The following CHD6 variants were observed in gnomAD, a reference collection of about 807,000 sequenced individuals.
CHD6 encodes the protein chromodomain helicase DNA binding protein 6.
A neutral mutation model predicts 276.9 loss-of-function variants in CHD6; 50 were observed. The ratio of observed to expected loss-of-function variants is 0.18; its 90% confidence interval spans 0.14 to 0.23. CHD6 has a LOEUF of 0.23. CHD6 is among the 10% of genes least tolerant of loss of function. CHD6 has a pLI of 1.00. For synonymous variants in CHD6, 1,173 were observed against 1,229.3 expected, an observed-to-expected ratio of 0.95 and a Z score of 0.96; for missense variants, 2,564 against 3,365.8, an observed-to-expected ratio of 0.76 and a Z score of 5.89.
intron 2 of CHD6, among the ~76,000 whole-genome samples, chr20:41,543,804 C>T (rs984796211): frequency 6.6e-6 from 1 of 152,160 alleles, no homozygotes; most frequent in Admixed American, 6.5e-5. Context: ...TTCTCAGTAT[C>T]TAAATATTAC....
At chr20:41,512,557 A>G (rs2044145574) in intron 5 of CHD6, among the ~76,000 whole-genome samples, 1 of 151,976 alleles carries the variant, frequency 6.6e-6, no homozygotes, top group African/African-American at 2.4e-5. Flanking sequence ...TCAAGGCATT[A>G]AAAGACAGCC....
At chr20:41,418,225 A>C (rs1179883457) in intron 31 of CHD6, among the ~76,000 whole-genome samples, 1 of 152,236 alleles carries the variant, frequency 6.6e-6, no homozygotes, top group Non-Finnish European at 1.5e-5. Context: ...ATGAGGGAAG[A>C]CAGCCAGGAA....
intron 30 of CHD6, 131 bp from the exon 31 acceptor site, chr20:41,422,210 A>G: frequency 2.4e-6 from 2 of 842,410 alleles, no homozygotes; most frequent in Non-Finnish European, 3.6e-6. Context: ...CAGGTGTGTG[A>G]GCCCTTGCCA....
Position 41,533,047 on chromosome 20 carries a change from T to C in CHD6, c.554+3A>G. The C allele has an allele frequency of 3.8e-6, 6 of 1,584,514 alleles. No individual in the cohort carries two copies. The highest frequency in any genetic ancestry group is 3.4e-6 in the Non-Finnish European group (4 of 1,170,146). ...TGCTCAGAGAAGGGAGAAAGGAACG[T>C]ACCTGGCCTTCCTGGACTTCGTCCT... On this transcript the variant is annotated splice_donor_region_variant and intron_variant, in intron 3 of 36. Transcript: ENST00000373233.
chr20:41,410,086 G>A (rs529964458), intron 36 of CHD6, among the ~76,000 whole-genome samples: 2 of 152,304 alleles, frequency 1.3e-5, no homozygotes, highest in South Asian at 2.1e-4. Context: ...ATGTGAGCTC[G>A]AAGGAAGGGA....
At chr20:41,513,819 C>T (rs1440996836) in intron 4 of CHD6, among the ~76,000 whole-genome samples, 3 of 152,160 alleles carry the variant, frequency 2.0e-5, no homozygotes, top group Non-Finnish European at 4.4e-5. Context: ...CTAAAAGATA[C>T]CTCCTGAGTG....
intron 17 of CHD6, among the ~76,000 whole-genome samples, chr20:41,463,995 C>T (rs901893241): frequency 6.6e-6 from 1 of 151,970 alleles, no homozygotes; most frequent in Non-Finnish European, 1.5e-5. Flanking sequence ...TATGCATGTA[C>T]TCAGAGAAAG....
chr20:41,492,541 A>G (rs2043580347), intron 10 of CHD6, among the ~76,000 whole-genome samples: 1 of 152,240 alleles, frequency 6.6e-6, no homozygotes, highest in African/African-American at 2.4e-5. Flanking sequence ...TAAAAATGGC[A>G]ATGTTTTTTT....
At chr20:41,466,174 C>T (rs989030919) in intron 17 of CHD6, among the ~76,000 whole-genome samples, 5 of 152,120 alleles carry the variant, frequency 3.3e-5, no homozygotes, top group African/African-American at 9.7e-5. Flanking sequence ...TGCACTCCAG[C>T]CTGGGTAACA....
rs371002851 is a variant in CHD6 at position 41,497,379 on chromosome 20, T to C, written c.1092+5A>G. On this transcript the variant is annotated splice_donor_5th_base_variant and intron_variant, in intron 8 of 36. Coordinates refer to ENST00000373233, the MANE Select transcript of CHD6 (RefSeq NM_032221.5). Reference sequence around the variant, plus strand: ...AGTCAAATGAGTCAGTAAATATTGCTTCACCTCCGTAAAAATGTGCTTCAT... The same window carrying C: ...AGTCAAATGAGTCAGTAAATATTGCCTCACCTCCGTAAAAATGTGCTTCAT... 16 of 1,579,334 alleles carry C rather than the reference T, an allele frequency of 1.0e-5. No individual in the cohort carries two copies. The African/African-American group carries it at 2.0e-4, about 20-fold the overall frequency.
intron 1 of CHD6, among the ~76,000 whole-genome samples, chr20:41,566,348 G>A (rs1214144398): frequency 1.3e-5 from 2 of 152,142 alleles, no homozygotes; most frequent in Non-Finnish European, 2.9e-5. Context: ...AGTGAGGGAA[G>A]GGATAACTAC....
rs551928466 is a variant in CHD6 at position 41,462,054 on chromosome 20, G to C, written c.2665-4626C>G. On this transcript the variant is annotated intron_variant, in intron 17 of 36. Coordinates refer to ENST00000373233, the MANE Select transcript of CHD6 (RefSeq NM_032221.5). ...CAGACAACAATCTGGATACCCTAGAGGTGGTCCCTGCTACTAGGGATGATC... is the reference window on the plus strand; with the variant it reads ...CAGACAACAATCTGGATACCCTAGACGTGGTCCCTGCTACTAGGGATGATC... 6.6e-5 allele frequency: 10 copies of C among 152,292 alleles called. No individual in the cohort carries two copies. The East Asian group carries it at 1.7e-3, about 26-fold the overall frequency. The allele number at this position is 152,292 out of a possible 1,614,324, so 9.4% of individuals were successfully genotyped here.
chr20:41,564,294 T>C, intron 1 of CHD6: 1 of 574,736 alleles, frequency 1.7e-6, no homozygotes, highest in Non-Finnish European at 3.1e-6. Context: ...CACAAAAAAC[T>C]CACAACTCCC....
chr20:41,499,381 A>T (rs1159939476), intron 5 of CHD6, 24 bp from the exon 6 acceptor site: 4 of 1,542,428 alleles, frequency 2.6e-6, no homozygotes, highest in African/African-American at 1.4e-5. Flanking sequence ...TAAAAAAAAA[A>T]GAAAATTGCT....
At chr20:41,567,033 G>C (rs1189075153) in intron 1 of CHD6, among the ~76,000 whole-genome samples, 1 of 152,202 alleles carries the variant, frequency 6.6e-6, no homozygotes, top group Non-Finnish European at 1.5e-5. Context: ...ACATGGGACA[G>C]AATCACCAGT....
At chr20:41,459,004 T>C (rs1218599513) in intron 17 of CHD6, among the ~76,000 whole-genome samples, 1 of 152,124 alleles carries the variant, frequency 6.6e-6, no homozygotes, top group African/African-American at 2.4e-5. Context: ...GTGATCTTGA[T>C]CCTGGAGTCC....
chr20:41,593,396 A>G (rs565844328), intron 1 of CHD6, among the ~76,000 whole-genome samples: 29 of 152,320 alleles, frequency 1.9e-4, no homozygotes, highest in Admixed American at 1.5e-3. Flanking sequence ...TATACTACCC[A>G]AAGGCTTTCT....
At chr20:41,467,046 C>T (rs1033799169) in intron 17 of CHD6, among the ~76,000 whole-genome samples, 3 of 152,144 alleles carry the variant, frequency 2.0e-5, no homozygotes, top group Non-Finnish European at 4.4e-5. Context: ...CCCGGGACTC[C>T]GATGACACTA....
intron 16 of CHD6, among the ~76,000 whole-genome samples, chr20:41,474,454 C>A (rs1274090171): frequency 6.6e-6 from 1 of 152,128 alleles, no homozygotes; most frequent in Non-Finnish European, 1.5e-5. Context: ...TTCCTATTTA[C>A]CCCTGACAAC....
Sources: gnomAD v4.1 joint callset for allele counts (sites outside exome capture counted in the v4.1 genomes callset) on GRCh38, gnomAD v4.1.1 for gene constraint, MANE v1.5 for transcripts, NCBI Gene and HGNC (gene_info 2026-07-23, HGNC 2026-07-21) for gene names.